Variants in SYT13 observed in about 807,000 individuals in gnomAD.
The protein encoded by SYT13 is synaptotagmin-13.
A neutral mutation model predicts 38.6 loss-of-function variants in SYT13; 21 were observed. That is an observed-to-expected ratio of 0.54 (90% CI 0.39 to 0.78). SYT13 has a LOEUF of 0.78. SYT13 is among the 30% of genes least tolerant of loss of function. SYT13 has a pLI of 0.00. For missense variants in SYT13, 495 were observed against 548.7 expected (o/e 0.90, Z 0.98); for synonymous variants, 241 against 237.6 (o/e 1.01, Z -0.13).
intron 1 of SYT13, among the ~76,000 whole-genome samples, chr11:45,284,544 G>C (rs1855111279): frequency 6.6e-6 from 1 of 152,164 alleles, no homozygotes; most frequent in Non-Finnish European, 1.5e-5. Flanking sequence ...TTCTTTAACA[G>C]ATGATCAGCC....
Position 45,255,646 on chromosome 11 carries a change from AG to A in SYT13, c.409+19del. 6.2e-7 allele frequency: 1 copy of A among 1,601,216 alleles called. No homozygotes were observed. Among genetic ancestry groups the A allele is most frequent in the Non-Finnish European group, 8.6e-7 (1 of 1,169,572 alleles). On this transcript the variant is annotated intron_variant, in intron 2 of 5. Transcript: ENST00000020926. ...ACTGGAGTGCTGCCCATGGAAGTGC[AG>A]GGGGCAGGAGACCCCTACCATTCTG...
intron 1 of SYT13, among the ~76,000 whole-genome samples, chr11:45,260,005 A>C (rs1207772161): frequency 6.6e-6 from 1 of 152,158 alleles, no homozygotes; most frequent in African/African-American, 2.4e-5. Context: ...TTGAATTGGG[A>C]TTTTTGTGCC....
Position 45,242,211 on chromosome 11 carries a change from T to C in SYT13, c.*1841A>G, listed in dbSNP as rs1854559971. The C allele has an allele frequency of 6.6e-6, 1 of 152,136 alleles. No individual in the cohort carries two copies. Among genetic ancestry groups the C allele is most frequent in the Non-Finnish European group, 1.5e-5 (1 of 68,042 alleles). The allele number at this position is 152,136 out of a possible 1,614,324, so 9.4% of individuals were successfully genotyped here. On this transcript the variant is annotated 3_prime_UTR_variant, in exon 6 of 6. Transcript: ENST00000020926. ...AATAGAGAGGGGTCCAAAGGCAGAA[T>C]CCATGGTTCTGGAAATGCCACGATG...
At chr11:45,280,890 A>T (rs1855063035) in intron 1 of SYT13, among the ~76,000 whole-genome samples, 2 of 152,244 alleles carry the variant, frequency 1.3e-5, no homozygotes, top group Admixed American at 6.5e-5. Flanking sequence ...TCCACTACAC[A>T]TATATTGTTT....
chr11:45,286,288 G>T lies in SYT13; in HGVS notation c.-81C>A. ...GGGCCCGCCTCCAGGCAGCTCCCGG[G>T]ATCCGGGCGAGCCAGCAGCTCTCCC... On this transcript the variant is annotated 5_prime_UTR_variant, in exon 1 of 6. Transcript: ENST00000020926. 7.0e-7 allele frequency: 1 copy of T among 1,423,024 alleles called. No individual in the cohort carries two copies. 88.1% of individuals were successfully genotyped at this position (1,423,024 alleles called of 1,614,324 possible). A position where few individuals can be genotyped will look rare whatever the true frequency, so the allele number is the denominator to read the frequency against.
intron 1 of SYT13, 194 bp downstream of exon 1, chr11:45,285,831 C>T (rs972023145): frequency 3.1e-5 from 16 of 516,814 alleles, no homozygotes; most frequent in Non-Finnish European, 5.2e-5. Flanking sequence ...GGTCTCGTCT[C>T]CCCCATCCCC....
intron 4 of SYT13, among the ~76,000 whole-genome samples, chr11:45,251,355 C>A (rs1050714456): frequency 2.8e-4 from 40 of 142,126 alleles, no homozygotes; most frequent in African/African-American, 1.0e-3. Flanking sequence ...CGCCACTGCA[C>A]TCCAGCCTGG....
At position 45,246,392 on chromosome 11, in the gene SYT13, G is replaced by A. The variant is rs143403217; in HGVS notation, c.967C>T (p.Leu323=). 9.3e-6 allele frequency: 15 copies of A among 1,613,760 alleles called. No individual in the cohort carries two copies. Among genetic ancestry groups the A allele is most frequent in the East Asian group, 2.2e-5 (1 of 44,890 alleles). The change falls in exon 5 of 6, where the codon CTG becomes TTG. Residue 323 remains leucine (L), a synonymous_variant. Transcript: ENST00000020926. ...CTCACATCTCACTCACCCTTCCCCA[G>A]GAGCTCCTTGGACTGGTTAGAGTGG... ...NLHSNQSKEL[L]GKDVSVKVTL...
At chr11:45,270,840 C>T (rs1854940745) in intron 1 of SYT13, among the ~76,000 whole-genome samples, 1 of 152,190 alleles carries the variant, frequency 6.6e-6, no homozygotes, top group African/African-American at 2.4e-5. Context: ...ATATAAAGTG[C>T]AATTTCAAAA....
chr11:45,270,990 T>C (rs931059315), intron 1 of SYT13, among the ~76,000 whole-genome samples: 9 of 152,158 alleles, frequency 5.9e-5, no homozygotes, highest in African/African-American at 1.9e-4. Flanking sequence ...CTACATACCA[T>C]GGGAGACACA....
At position 45,244,306 on chromosome 11, in the gene SYT13, TC is replaced by T. The variant is rs1274019577; in HGVS notation, c.1026del (p.Lys343SerfsTer17). The T allele has an allele frequency of 6.2e-7, 1 of 1,613,972 alleles. No homozygotes were observed. Among genetic ancestry groups the T allele is most frequent in the Non-Finnish European group, 8.5e-7 (1 of 1,180,004 alleles). On this transcript the variant is annotated frameshift_variant, in exon 6 of 6. Transcript: ENST00000020926. LOFTEE classifies it high-confidence loss of function. ...TTGTGCTTAGCTCGTTTAGTCTGCTTCTTCTTCAGCTTCCGAGCCTGGTGCT... is the reference window on the plus strand; with the variant it reads ...TTGTGCTTAGCTCGTTTAGTCTGCTTTTCTTCAGCTTCCGAGCCTGGTGCT... ...TLKHQARKLK[K>X]KQTKRAKHKI...
intron 1 of SYT13, among the ~76,000 whole-genome samples, chr11:45,258,996 T>C (rs1329976855): frequency 1.3e-5 from 2 of 152,214 alleles, no homozygotes; most frequent in Non-Finnish European, 2.9e-5. Flanking sequence ...ACAAGTGGTA[T>C]GTATCATCCA....
chr11:45,255,703 C>A lies in SYT13; in HGVS notation c.372G>T (p.Arg124Ser). The A allele has an allele frequency of 1.2e-6, 2 of 1,614,136 alleles. No individual in the cohort carries two copies. The highest frequency in any genetic ancestry group is 1.7e-6 in the Non-Finnish European group (2 of 1,180,022). ...PQPPNDSRLKRQVTEELFILP... is the reference protein window; with the variant it reads ...PQPPNDSRLKSQVTEELFILP... ...GGATGAACAGCTCCTCTGTGACCTG[C>A]CTCTTGAGGCGACTGTCATTCGGGG... The change falls in exon 2 of 6, where the codon AGG becomes AGT. Residue 124 changes from arginine to serine, a missense_variant. Transcript: ENST00000020926.
intron 1 of SYT13, among the ~76,000 whole-genome samples, chr11:45,272,567 G>C (rs890129884): frequency 2.0e-5 from 3 of 152,208 alleles, no homozygotes; most frequent in African/African-American, 4.8e-5. Flanking sequence ...AGATCTAGCT[G>C]TTCCTTCTTT....
At chr11:45,265,358 T>G (rs544892337) in intron 1 of SYT13, among the ~76,000 whole-genome samples, 1 of 152,354 alleles carries the variant, frequency 6.6e-6, no homozygotes, top group African/African-American at 2.4e-5. Context: ...CTGGAGGCAG[T>G]GGAGCTGCTA....
chr11:45,264,889 G>A (rs1469068774), intron 1 of SYT13, among the ~76,000 whole-genome samples: 5 of 152,164 alleles, frequency 3.3e-5, no homozygotes, highest in Non-Finnish European at 1.5e-5. Context: ...CACTAGTGCC[G>A]GTGGAAGGGA....
intron 1 of SYT13, among the ~76,000 whole-genome samples, chr11:45,259,943 C>G (rs113108499): frequency 1.3e-5 from 2 of 152,258 alleles, no homozygotes; most frequent in African/African-American, 4.8e-5. Context: ...ATCTGTCTTG[C>G]TTCTGCATTT....
chr11:45,258,317 C>T (rs919665525), intron 1 of SYT13: 1 of 152,238 alleles, frequency 6.6e-6, no homozygotes, highest in African/African-American at 2.4e-5. Flanking sequence ...ATCAGGTCCC[C>T]TTTGCACCTC....
chr11:45,278,807 T>C (rs937419169), intron 1 of SYT13, among the ~76,000 whole-genome samples: 1 of 152,184 alleles, frequency 6.6e-6, no homozygotes, highest in African/African-American at 2.4e-5. Flanking sequence ...ATGTGAGTGC[T>C]TTGAAGAGTA....
Sources: gnomAD v4.1 joint callset for allele counts (sites outside exome capture counted in the v4.1 genomes callset) on GRCh38, gnomAD v4.1.1 for gene constraint, MANE v1.5 for transcripts, NCBI Gene and HGNC (gene_info 2026-07-23, HGNC 2026-07-21) for gene names.